XPO6: variants seen among roughly 807,000 people sequenced by gnomAD.
XPO6 encodes exportin 6.
XPO6 carries 3 observed loss-of-function variants against 130.0 expected under a neutral mutation model. The ratio of observed to expected loss-of-function variants is 0.02; its 90% CI spans 0.01 to 0.06. XPO6 has a LOEUF of 0.06. Ranked by LOEUF, XPO6 falls within the 10% of genes least tolerant of loss-of-function variation. The probability of loss-of-function intolerance (pLI) is 1.00; values close to 1 mark genes in which losing one functional copy is unlikely to be tolerated. For missense variants in XPO6, 970 were observed against 1,393.0 expected (o/e 0.70, Z 4.83); for synonymous variants, 524 against 548.9 (o/e 0.95, Z 0.63).
intron 18 of XPO6, among the ~76,000 whole-genome samples, chr16:28,107,009 C>A (rs1480271388): frequency 1.3e-5 from 2 of 152,182 alleles, no homozygotes; most frequent in East Asian, 3.8e-4. Flanking sequence ...GTTTCACTTC[C>A]AGATCTCAAC....
chr16:28,151,560 G>A (rs568511886), intron 8 of XPO6, among the ~76,000 whole-genome samples: 6 of 152,294 alleles, frequency 3.9e-5, no homozygotes, highest in East Asian at 1.9e-4. Flanking sequence ...GGGGAGAAAC[G>A]AGGGGAAGTG....
intron 6 of XPO6, among the ~76,000 whole-genome samples, chr16:28,161,026 C>A (rs182589425): frequency 5.1e-4 from 77 of 152,294 alleles, no homozygotes; most frequent in African/African-American, 1.8e-3. Flanking sequence ...ATTGTTTTCA[C>A]TGAAGTATGT....
At chr16:28,145,434 T>C (rs2042966252) in intron 9 of XPO6, among the ~76,000 whole-genome samples, 1 of 152,138 alleles carries the variant, frequency 6.6e-6, no homozygotes, top group South Asian at 2.1e-4. Flanking sequence ...GAAAAATGGG[T>C]TTGAGAAACA....
At chr16:28,133,979 T>C (rs1244824058) in intron 10 of XPO6, 46 bp from the exon 11 acceptor site, 5 of 1,597,150 alleles carry the variant, frequency 3.1e-6, no homozygotes, top group Non-Finnish European at 4.3e-6. Flanking sequence ...AATCCTCTCA[T>C]CTTCCTTGCC....
chr16:28,170,771 A>G (rs2043436182), intron 4 of XPO6, among the ~76,000 whole-genome samples: 1 of 152,222 alleles, frequency 6.6e-6, no homozygotes, highest in Non-Finnish European at 1.5e-5. Flanking sequence ...TAGCAAATTA[A>G]GTTGCTGTTT....
intron 6 of XPO6, chr16:28,165,460 T>C (rs2043342170): frequency 6.6e-6 from 1 of 152,196 alleles, no homozygotes; most frequent in African/African-American, 2.4e-5. Context: ...ACTCTAGAAC[T>C]CTATAATTGT....
intron 7 of XPO6, 27 bp from the exon 8 acceptor site, chr16:28,152,812 A>G: frequency 6.2e-7 from 1 of 1,603,232 alleles, no homozygotes; most frequent in Non-Finnish European, 8.5e-7. Context: ...AAAAGGTGAC[A>G]ATAAGAAACC....
At chr16:28,171,044 C>A (rs28547122) in intron 4 of XPO6, among the ~76,000 whole-genome samples, 151,476 of 152,086 alleles carry the variant, frequency 1, 75,443 homozygotes, top group Middle Eastern at 1. Flanking sequence ...TTAATCTTAA[C>A]TTTAAATGTA....
intron 1 of XPO6, among the ~76,000 whole-genome samples, chr16:28,186,019 T>C (rs1374444475): frequency 1.3e-5 from 2 of 152,284 alleles, no homozygotes; most frequent in South Asian, 2.1e-4. Context: ...AGTTCAGAGA[T>C]CTATGCCATT....
At chr16:28,198,060 G>A (rs942658826) in intron 1 of XPO6, among the ~76,000 whole-genome samples, 1 of 140,958 alleles carries the variant, frequency 7.1e-6, no homozygotes, top group South Asian at 2.4e-4. Context: ...AAAGGTTTTC[G>A]CAAAGACATT....
intron 1 of XPO6, among the ~76,000 whole-genome samples, chr16:28,192,502 G>A (rs1429838348): frequency 6.6e-6 from 1 of 152,008 alleles, no homozygotes; most frequent in Non-Finnish European, 1.5e-5. Context: ...CCAGACCTAG[G>A]GACAAAGAAT....
intron 1 of XPO6, among the ~76,000 whole-genome samples, chr16:28,210,301 T>C (rs951413817): frequency 6.6e-6 from 1 of 151,588 alleles, no homozygotes; most frequent in Middle Eastern, 3.2e-3. Context: ...TTAAGGTCTG[T>C]ATCACAAAAG....
intron 13 of XPO6, among the ~76,000 whole-genome samples, chr16:28,124,301 GC>G: frequency 6.6e-6 from 1 of 152,238 alleles, no homozygotes. Context: ...CAGGTGATCT[GC>G]CCGCCTCAGC....
At chr16:28,161,344 T>C (rs982274105) in intron 6 of XPO6, among the ~76,000 whole-genome samples, 6 of 152,204 alleles carry the variant, frequency 3.9e-5, no homozygotes, top group Non-Finnish European at 7.3e-5. Context: ...TGAGGTCTTA[T>C]GCTAACGCTG....
At chr16:28,119,286 T>C (rs1019664463) in intron 14 of XPO6, among the ~76,000 whole-genome samples, 1 of 151,958 alleles carries the variant, frequency 6.6e-6, no homozygotes, top group African/African-American at 2.4e-5. Context: ...CCCAAAGTGC[T>C]GGGATTACAA....
Position 28,135,336 on chromosome 16 carries a change from G to C in XPO6, c.1335-12C>G, listed in dbSNP as rs754259977. ...GGGCATCTTCGTACCTATGTGGCAG[G>C]GAGAAATTCAACATTGAAAGGAGGC... is the stretch of plus-strand genomic sequence containing the variant. On this transcript the variant is annotated splice_polypyrimidine_tract_variant and intron_variant, in intron 9 of 23. Coordinates refer to ENST00000304658, the MANE Select transcript of XPO6 (RefSeq NM_015171.4). The C allele has an allele frequency of 6.2e-7, 1 of 1,610,832 alleles. No individual in the cohort carries two copies. The highest frequency in any genetic ancestry group is 8.5e-7 in the Non-Finnish European group (1 of 1,177,636).
At chr16:28,169,093 C>T (rs1300897147) in intron 5 of XPO6, among the ~76,000 whole-genome samples, 5 of 152,216 alleles carry the variant, frequency 3.3e-5, no homozygotes, top group Admixed American at 2.6e-4. Flanking sequence ...CCCAGGCTCC[C>T]GGCACCCTCA....
At chr16:28,155,008 A>C (rs1416077193) in intron 7 of XPO6, among the ~76,000 whole-genome samples, 1 of 152,224 alleles carries the variant, frequency 6.6e-6, no homozygotes. Flanking sequence ...TATACAGAGC[A>C]AACATCACGG....
intron 11 of XPO6, 68 bp downstream of exon 11, chr16:28,133,773 A>C: frequency 7.0e-7 from 1 of 1,435,228 alleles, no homozygotes; most frequent in East Asian, 2.4e-5. Context: ...GATCCAGGGG[A>C]GTCAACCAGC....
Sources: gnomAD v4.1 joint callset for allele counts (sites outside exome capture counted in the v4.1 genomes callset) on GRCh38, gnomAD v4.1.1 for gene constraint, MANE v1.5 for transcripts, NCBI Gene and HGNC (gene_info 2026-07-23, HGNC 2026-07-21) for gene names.